Variants in PTPRD observed in about 807,000 individuals in gnomAD.
The protein encoded by PTPRD is protein tyrosine phosphatase receptor type D.
A neutral mutation model predicts 214.5 loss-of-function variants in PTPRD; 34 were observed. The observed-to-expected ratio is 0.16, with a 90% CI of 0.12 to 0.21. PTPRD has a LOEUF of 0.21. Ranked by LOEUF, PTPRD falls within the 10% of genes least tolerant of loss-of-function variation. PTPRD has a pLI of 1.00. For synonymous variants in PTPRD, 1,128 were observed against 845.7 expected (o/e 1.33, Z -5.79); for missense variants, 2,545 against 2,398.7 (o/e 1.06, Z -1.27).
rs374651578 is a variant in PTPRD at position 10,228,511 on chromosome 9, T to A, written c.-545+112452A>T. ...TTAGCTCTAACCATAAAGCATGTGT[T>A]AGGTAGAAAATGACTTTTCGAATAT... On this transcript the variant is annotated intron_variant, in intron 3 of 45. Transcript: ENST00000381196. Among the ~76,000 whole-genome samples the A allele has an allele frequency of 2.1e-4, 32 of 152,038 alleles. 4 individuals are homozygous for A. The highest frequency in any genetic ancestry group is 1.2e-3 in the Admixed American group (19 of 15,218).
chr9:9,912,565 C>T (rs1254677469), intron 5 of PTPRD, among the ~76,000 whole-genome samples: 1 of 152,090 alleles, frequency 6.6e-6, no homozygotes, highest in African/African-American at 2.4e-5. Context: ...ATGAAGCTCC[C>T]CTGAGAGAAA....
At chr9:9,152,192 T>C (rs150628316) in intron 10 of PTPRD, among the ~76,000 whole-genome samples, 57 of 152,320 alleles carry the variant, frequency 3.7e-4, no homozygotes, top group Middle Eastern at 3.4e-3. Context: ...CCATGTCTAA[T>C]CCTTTAACCA....
chr9:9,588,802 G>C (rs547013497), intron 7 of PTPRD, among the ~76,000 whole-genome samples: 3 of 151,974 alleles, frequency 2.0e-5, no homozygotes, highest in South Asian at 2.1e-4. Flanking sequence ...CATCATTTTA[G>C]CTGAGTATAA....
At chr9:8,617,833 T>C (rs561925305) in intron 14 of PTPRD, among the ~76,000 whole-genome samples, 2 of 152,214 alleles carry the variant, frequency 1.3e-5, no homozygotes, top group East Asian at 3.9e-4. Flanking sequence ...AAAGTTGCCA[T>C]TGAAAGGCAC....
At chr9:9,283,715 T>C (rs1948511879) in intron 9 of PTPRD, among the ~76,000 whole-genome samples, 1 of 151,528 alleles carries the variant, frequency 6.6e-6, no homozygotes, top group African/African-American at 2.4e-5. Context: ...AAAAATTGTT[T>C]CTCTTTACCA....
At chr9:10,443,246 A>C (rs2098773470) in intron 2 of PTPRD, among the ~76,000 whole-genome samples, 1 of 151,650 alleles carries the variant, frequency 6.6e-6, no homozygotes, top group African/African-American at 2.4e-5. Context: ...CAAAAAATTA[A>C]TGAAACCTGC....
intron 2 of PTPRD, among the ~76,000 whole-genome samples, chr9:10,581,094 T>C (rs753207026): frequency 2.0e-5 from 3 of 152,178 alleles, no homozygotes; most frequent in Non-Finnish European, 4.4e-5. Flanking sequence ...ATGCCATCTC[T>C]GGGCTTCAAT....
chr9:9,567,329 C>A (rs1023097437), intron 8 of PTPRD, among the ~76,000 whole-genome samples: 10 of 151,744 alleles, frequency 6.6e-5, no homozygotes, highest in Non-Finnish European at 1.5e-4. Context: ...AGATTGAGAG[C>A]AAAGAACATA....
intron 8 of PTPRD, among the ~76,000 whole-genome samples, chr9:9,452,991 T>A (rs1468259634): frequency 6.7e-6 from 1 of 149,132 alleles, no homozygotes; most frequent in Non-Finnish European, 1.5e-5. Flanking sequence ...TACTTAAATT[T>A]TGTGTGACAT....
chr9:8,948,437 T>TTATATA lies in PTPRD; in HGVS notation c.-104+70259_-104+70260insTATATA, dbSNP rs1343672112. 1.5e-3 allele frequency among the ~76,000 whole-genome samples: 30 copies of TTATATA among 20,108 alleles called. 1 individual carries two copies. Among genetic ancestry groups the TTATATA allele is most frequent in the Non-Finnish European group, 2.3e-3 (28 of 11,920 alleles). 13.2% of individuals were successfully genotyped at this position (20,108 alleles called of 152,430 possible). A position where few individuals can be genotyped will look rare whatever the true frequency, so the allele number is the denominator to read the frequency against. ...TATATATATATATTTATATATATAT[T>TTATATA]TACATATATATATATTTATATATAT... On this transcript the variant is annotated intron_variant, in intron 11 of 45. Transcript: ENST00000381196.
chr9:8,680,342 C>A (rs1184898009), intron 12 of PTPRD, among the ~76,000 whole-genome samples: 1 of 152,146 alleles, frequency 6.6e-6, no homozygotes. Flanking sequence ...TAATTGCCTA[C>A]AGCTTTAATT....
At chr9:8,461,084 T>G (rs1384114898) in intron 32 of PTPRD, among the ~76,000 whole-genome samples, 1 of 152,122 alleles carries the variant, frequency 6.6e-6, no homozygotes, top group East Asian at 1.9e-4. Context: ...TCATTAGTAC[T>G]ACTGTGCTTC....
At chr9:8,811,579 G>C (rs777118592) in intron 11 of PTPRD, among the ~76,000 whole-genome samples, 21 of 152,044 alleles carry the variant, frequency 1.4e-4, no homozygotes, top group Non-Finnish European at 2.2e-4. Context: ...CTTAATTCCT[G>C]CTCTAAAGAG....
chr9:8,637,590 C>A (rs1811938341), intron 12 of PTPRD, among the ~76,000 whole-genome samples: 1 of 152,212 alleles, frequency 6.6e-6, no homozygotes, highest in Admixed American at 6.5e-5. Flanking sequence ...ATGTTCCTAA[C>A]ATTCTTCCTC....
intron 12 of PTPRD, among the ~76,000 whole-genome samples, chr9:8,703,474 A>G (rs1389136541): frequency 6.6e-6 from 1 of 152,134 alleles, no homozygotes; most frequent in African/African-American, 2.4e-5. Context: ...ACCAAGTCCA[A>G]TGGACATGTT....
At chr9:9,176,695 A>C (rs1209851679) in intron 10 of PTPRD, among the ~76,000 whole-genome samples, 1 of 152,118 alleles carries the variant, frequency 6.6e-6, no homozygotes, top group Non-Finnish European at 1.5e-5. Flanking sequence ...TCCTGATGAA[A>C]GAATAAGTTC....
At chr9:10,511,988 ACG>A (rs1566641937) in intron 2 of PTPRD, among the ~76,000 whole-genome samples, 22 of 66,436 alleles carry the variant, frequency 3.3e-4, no homozygotes, top group Admixed American at 4.0e-4. Context: ...ATATATATAT[ACG>A]TGTGTGTATA....
At chr9:8,648,310 T>C (rs1447338618) in intron 12 of PTPRD, among the ~76,000 whole-genome samples, 82 of 152,336 alleles carry the variant, frequency 5.4e-4, no homozygotes, top group Admixed American at 5.3e-3. Flanking sequence ...ACATTCTGTG[T>C]GCCCGGGCAA....
At chr9:9,819,658 C>T (rs2761755) in intron 5 of PTPRD, among the ~76,000 whole-genome samples, 27,089 of 151,610 alleles carry the variant, frequency 0.18, 2,849 homozygotes, top group African/African-American at 0.29. Context: ...TCCCTTGTCC[C>T]CCTCCCTCTT....
Sources: allele counts gnomAD v4.1 joint callset (sites outside exome capture counted in the v4.1 genomes callset), GRCh38; gene constraint gnomAD v4.1.1; transcripts MANE v1.5; gene names NCBI Gene and HGNC (gene_info 2026-07-23, HGNC 2026-07-21).